Variants in CUX2 observed in about 807,000 individuals in gnomAD.
The protein encoded by CUX2 is homeobox protein cut-like 2.
CUX2 carries 40 observed loss-of-function variants against 144.8 expected under a neutral mutation model. The ratio of observed to expected loss-of-function variants is 0.28; its 90% CI spans 0.21 to 0.36. The LOEUF (loss-of-function observed/expected upper bound fraction) is 0.36. Among genes scored for constraint, CUX2 ranks in the 10% least tolerant of loss-of-function variants. The pLI is 1.00. For missense variants in CUX2, 1,615 were observed against 1,994.0 expected (o/e 0.81, Z 3.62); for synonymous variants, 827 against 875.6 (o/e 0.94, Z 0.98).
At chr12:111,347,455 T>C in intron 21 of CUX2, 69 bp from the exon 22 acceptor site, 1 of 1,439,350 alleles carries the variant, frequency 6.9e-7, no homozygotes, top group East Asian at 2.3e-5. Context: ...AAATGCCATG[T>C]ATGCAGATGG....
chr12:111,234,606 C>T (rs1211335512), intron 3 of CUX2, among the ~76,000 whole-genome samples: 16 of 151,976 alleles, frequency 1.1e-4, no homozygotes. Flanking sequence ...CAGGATGGAA[C>T]ATGGGGAATG....
intron 4 of CUX2, among the ~76,000 whole-genome samples, chr12:111,282,321 C>CA (rs35466467): frequency 0.059 from 7,049 of 119,814 alleles, 182 homozygotes; most frequent in South Asian, 0.12. Context: ...AACCCCATCT[C>CA]AAAAAAAAAA....
chr12:111,260,478 A>AG (rs1362883111), intron 3 of CUX2, among the ~76,000 whole-genome samples: 1 of 151,798 alleles, frequency 6.6e-6, no homozygotes, highest in Non-Finnish European at 1.5e-5. Context: ...AAAAAAAAAA[A>AG]GTATTGGGGT....
Position 111,344,005 on chromosome 12 carries a change from A to G in CUX2, c.3659+1952A>G, listed in dbSNP as rs536965449. Among the ~76,000 whole-genome samples the G allele has an allele frequency of 2.0e-5, 3 of 151,942 alleles. No homozygotes were observed. The East Asian group carries it at 5.8e-4, about 29-fold the overall frequency. ...GAGGTGGAGGTTGCTTTGAGCCGAG[A>G]TCACACCACTGCACTCCAGCCTGGG... On this transcript the variant is annotated intron_variant, in intron 21 of 21. Coordinates refer to ENST00000261726, the MANE Select transcript of CUX2 (RefSeq NM_015267.4).
chr12:111,099,384 A>T (rs967733760), intron 1 of CUX2: 2 of 363,114 alleles, frequency 5.5e-6, no homozygotes, highest in African/African-American at 4.3e-5. Flanking sequence ...AGCTCATAAA[A>T]ATAGCTCGGT....
chr12:111,232,481 A>G (rs1322346305), intron 3 of CUX2, among the ~76,000 whole-genome samples: 1 of 152,200 alleles, frequency 6.6e-6, no homozygotes, highest in Non-Finnish European at 1.5e-5. Context: ...CAGTCTGGGC[A>G]ACAGAACAAA....
At position 111,287,712 on chromosome 12, in the gene CUX2, C is replaced by T. The variant is rs1285062666; in HGVS notation, c.302-3706C>T. Among the ~76,000 whole-genome samples, 1 of 152,240 alleles carries T rather than the reference C, an allele frequency of 6.6e-6. No homozygotes were observed. Among genetic ancestry groups the T allele is most frequent in the Non-Finnish European group, 1.5e-5 (1 of 68,040 alleles). On this transcript the variant is annotated intron_variant, in intron 4 of 21. Transcript: ENST00000261726. This position sits in a 1 kb window ranked among gnomAD's most constrained non-coding sequence, Gnocchi z 4.2. ...GCTGCCGGCAGATGAAAGCCACCGC[C>T]GCCTTCCCGCGCACCTGCTTACCTC...
At chr12:111,146,366 C>T (rs1205214995) in intron 1 of CUX2, among the ~76,000 whole-genome samples, 1 of 152,182 alleles carries the variant, frequency 6.6e-6, no homozygotes, top group Non-Finnish European at 1.5e-5. Flanking sequence ...CCCAACGTTC[C>T]TGGTACCCAC....
intron 3 of CUX2, among the ~76,000 whole-genome samples, chr12:111,235,986 C>T (rs1882720015): frequency 6.6e-6 from 1 of 152,162 alleles, no homozygotes; most frequent in Non-Finnish European, 1.5e-5. Flanking sequence ...CTCCAGGAGC[C>T]AGTGGGACCT....
chr12:111,184,941 A>T (rs1046293527), intron 1 of CUX2, among the ~76,000 whole-genome samples: 1 of 152,126 alleles, frequency 6.6e-6, no homozygotes, highest in Non-Finnish European at 1.5e-5. Flanking sequence ...GGGCACCTGT[A>T]GTCCCAGCTA....
chr12:111,301,838 C>T lies in CUX2; in HGVS notation c.754-2372C>T, dbSNP rs76773572. Among the ~76,000 whole-genome samples the T allele has an allele frequency of 3.3e-3, 505 of 152,354 alleles. 3 individuals carry two copies. The highest frequency in any genetic ancestry group is 0.011 in the African/African-American group (472 of 41,584). ...AGCTTTACTGTTCAGGGGCTGTCTC[C>T]ATGATGTGGGTCTCACCCACCCTTG... On this transcript the variant is annotated intron_variant, in intron 9 of 21. Transcript: ENST00000261726.
intron 1 of CUX2, among the ~76,000 whole-genome samples, chr12:111,071,083 G>GT (rs774905040): frequency 0.044 from 5,880 of 134,166 alleles, 338 homozygotes; most frequent in African/African-American, 0.13. Context: ...CTTTCTCTAG[G>GT]TTTTTTTTTT....
intron 4 of CUX2, among the ~76,000 whole-genome samples, chr12:111,272,155 T>C (rs549881198): frequency 6.6e-6 from 1 of 152,198 alleles, no homozygotes; most frequent in Non-Finnish European, 1.5e-5. Flanking sequence ...TAGATATTGA[T>C]AGAAGTAGCA....
At chr12:111,136,897 A>G (rs7310058) in intron 1 of CUX2, among the ~76,000 whole-genome samples, 1 of 151,724 alleles carries the variant, frequency 6.6e-6, no homozygotes, top group Non-Finnish European at 1.5e-5. Flanking sequence ...GGGAGAGTGT[A>G]TGTGTCAAGA....
At chr12:111,268,626 C>CT (rs1417763175) in intron 4 of CUX2, among the ~76,000 whole-genome samples, 1 of 152,248 alleles carries the variant, frequency 6.6e-6, no homozygotes, top group East Asian at 1.9e-4. Flanking sequence ...GGACATGGCG[C>CT]TATGGCACGA....
chr12:111,059,081 G>A lies in CUX2; in HGVS notation c.63+24841G>A, dbSNP rs533632948. Among the ~76,000 whole-genome samples the A allele has an allele frequency of 6.6e-5, 10 of 152,306 alleles. No homozygotes were observed. In the East Asian group the frequency reaches 1.5e-3, roughly 23 times the overall value. ...ACATTATTAATTTGTTCCCTTAACCGTAAACATCTAGAGGCTCGGAATGCT... is the reference window on the plus strand; with the variant it reads ...ACATTATTAATTTGTTCCCTTAACCATAAACATCTAGAGGCTCGGAATGCT... On this transcript the variant is annotated intron_variant, in intron 1 of 21. Coordinates refer to ENST00000261726, the MANE Select transcript of CUX2 (RefSeq NM_015267.4). This position sits in a 1 kb window ranked among gnomAD's most constrained non-coding sequence, Gnocchi z 5.3.
Position 111,320,150 on chromosome 12 carries a change from T to C in CUX2, c.2141T>C (p.Met714Thr), listed in dbSNP as rs1011710649. Reference protein sequence around the residue: ...MQAQQQALLEMEVAPRGRSVP... With the variant: ...MQAQQQALLETEVAPRGRSVP... Reference sequence around the variant, plus strand: ...GCGCAACAGCAGGCGCTGCTGGAGATGGAGGTGGCGCCCAGGGGCCGCTCG... The same window carrying C: ...GCGCAACAGCAGGCGCTGCTGGAGACGGAGGTGGCGCCCAGGGGCCGCTCG... Residue 714 changes from methionine to threonine, a missense_variant, in exon 17 of 22, where the codon ATG becomes ACG. Coordinates refer to ENST00000261726, the MANE Select transcript of CUX2 (RefSeq NM_015267.4). The surrounding 1 kb of genome is among the most constrained non-coding windows in gnomAD (Gnocchi z 8.1). The C allele has an allele frequency of 4.3e-5, 67 of 1,548,646 alleles. No individual in the cohort carries two copies. Among genetic ancestry groups the C allele is most frequent in the Non-Finnish European group, 5.7e-5 (66 of 1,150,976 alleles).
Position 111,320,783 on chromosome 12 carries a change from C to T in CUX2, c.2766+8C>T, listed in dbSNP as rs375049246. 1.3e-6 allele frequency: 2 copies of T among 1,506,668 alleles called. No individual in the cohort carries two copies. The highest frequency in any genetic ancestry group is 2.6e-5 in the East Asian group (1 of 38,914). The allele number at this position is 1,506,668 out of a possible 1,614,324, so 93.3% of individuals were successfully genotyped here. ...AGGATCTTCGGGGAGAAGGTGAGTG[C>T]AGGGCGGGCCCCCGGTGTCTGGGCT... On this transcript the variant is annotated splice_region_variant and intron_variant, in intron 17 of 21. Transcript: ENST00000261726. This position sits in a 1 kb window ranked among gnomAD's most constrained non-coding sequence, Gnocchi z 8.1.
intron 1 of CUX2, among the ~76,000 whole-genome samples, chr12:111,174,284 G>T (rs551284317): frequency 2.4e-4 from 36 of 152,370 alleles, no homozygotes; most frequent in African/African-American, 8.7e-4. Context: ...GCAGTGACCA[G>T]ACCAGGCTGA....
Sources: gnomAD v4.1 joint callset for allele counts (sites outside exome capture counted in the v4.1 genomes callset) on GRCh38, gnomAD v4.1.1 for gene constraint, Gnocchi (gnomAD v3.1) non-coding constraint, MANE v1.5 for transcripts, NCBI Gene and HGNC (gene_info 2026-07-23, HGNC 2026-07-21) for gene names.